The following HBP1 variants were observed in gnomAD, a reference collection of about 807,000 sequenced individuals.
HBP1 encodes HMG-box transcription factor 1, also known as HMG box-containing protein 1.
Under a neutral mutation model 62.6 loss-of-function variants are expected in HBP1, and 20 were observed. The observed-to-expected ratio is 0.32, with a 90% CI of 0.22 to 0.46. The LOEUF (loss-of-function observed/expected upper bound fraction) is 0.46, where lower values mean the gene tolerates loss of function less well. Among genes scored for constraint, HBP1 ranks in the 20% least tolerant of loss-of-function variants. HBP1 has a pLI of 1.00. For missense variants in HBP1, 480 were observed against 611.8 expected (o/e 0.78, Z 2.27); for synonymous variants, 232 against 206.2 (o/e 1.12, Z -1.07).
chr7:107,200,840 C>T (rs1033710858), intron 10 of HBP1: 1 of 152,608 alleles, frequency 6.6e-6, no homozygotes, highest in African/African-American at 2.4e-5. Flanking sequence ...GATAAGCTAT[C>T]TTGGATAGAC....
At chr7:107,200,441 G>A (rs1027561771) in intron 10 of HBP1, 140 bp downstream of exon 10, 2 of 540,474 alleles carry the variant, frequency 3.7e-6, no homozygotes, top group East Asian at 3.2e-5. Flanking sequence ...ACCTAATAAT[G>A]TTATCACATC....
intron 7 of HBP1, among the ~76,000 whole-genome samples, chr7:107,189,719 T>A (rs1436229784): frequency 6.6e-6 from 1 of 152,194 alleles, no homozygotes; most frequent in Non-Finnish European, 1.5e-5. Context: ...ATAGTTTGGG[T>A]AATGTAGTGA....
chr7:107,195,513 T>C (rs1797853993), intron 8 of HBP1, among the ~76,000 whole-genome samples: 1 of 152,218 alleles, frequency 6.6e-6, no homozygotes, highest in South Asian at 2.1e-4. Flanking sequence ...AAGTGGGTTG[T>C]GTAGGATTTG....
In HBP1 at chr7:107,190,152, TGC is replaced by T. The variant is rs1797583396; in HGVS notation, c.923-20_923-19del. ...GCTTTCTGTGAGTCCTCATCCTTTA[TGC>T]AACATTGTTTAACTTTAGGTTGGTC... On this transcript the variant is annotated intron_variant, in intron 7 of 10. Coordinates refer to ENST00000222574, the MANE Select transcript of HBP1 (RefSeq NM_012257.4). The T allele has an allele frequency of 6.3e-7, 1 of 1,591,390 alleles. No individual in the cohort carries two copies. The highest frequency in any genetic ancestry group is 8.6e-7 in the Non-Finnish European group (1 of 1,167,570).
At chr7:107,179,753 C>CA in intron 1 of HBP1, 126 bp from the exon 2 acceptor site, 2 of 543,270 alleles carry the variant, frequency 3.7e-6, no homozygotes, top group Non-Finnish European at 3.2e-6. Context: ...GTCTGGGTGA[C>CA]AGAGTGTGAC....
chr7:107,200,106 T>G, intron 9 of HBP1, 54 bp from the exon 10 acceptor site: 697 of 1,385,562 alleles, frequency 5.0e-4, no homozygotes, highest in Non-Finnish European at 5.7e-4. Context: ...GCACTTGACA[T>G]GAGATTTATG....
chr7:107,184,580 G>T (rs1212784716), intron 3 of HBP1, among the ~76,000 whole-genome samples: 2 of 151,968 alleles, frequency 1.3e-5, no homozygotes, highest in Non-Finnish European at 2.9e-5. Context: ...GTGCAATCTC[G>T]GCTCACTGCA....
chr7:107,172,130 A>G (rs995536028), intron 1 of HBP1, among the ~76,000 whole-genome samples: 1 of 152,056 alleles, frequency 6.6e-6, no homozygotes, highest in Admixed American at 6.5e-5. Context: ...CTATAGAGAA[A>G]CTAGAAACAT....
intron 2 of HBP1, among the ~76,000 whole-genome samples, chr7:107,181,650 C>T (rs117877169): frequency 6.7e-6 from 1 of 150,212 alleles, no homozygotes; most frequent in Non-Finnish European, 1.5e-5. Context: ...GTATGTGTTT[C>T]GTGGAGAGTT....
chr7:107,178,982 C>T (rs1041405314), intron 1 of HBP1, among the ~76,000 whole-genome samples: 3 of 152,056 alleles, frequency 2.0e-5, no homozygotes, highest in Non-Finnish European at 2.9e-5. Context: ...TGCAGTGAGC[C>T]GAGATTGTGC....
At chr7:107,199,825 G>A (rs1798133668) in intron 9 of HBP1, among the ~76,000 whole-genome samples, 1 of 152,204 alleles carries the variant, frequency 6.6e-6, no homozygotes, top group African/African-American at 2.4e-5. Context: ...TTTCTCTTGA[G>A]AGAGAAATAG....
intron 2 of HBP1, among the ~76,000 whole-genome samples, chr7:107,182,045 CT>C (rs1797131344): frequency 6.6e-6 from 1 of 152,026 alleles, no homozygotes; most frequent in African/African-American, 2.4e-5. Flanking sequence ...TGTTTATAGT[CT>C]GTATAACAGG....
chr7:107,176,232 G>T (rs983658066), intron 1 of HBP1, among the ~76,000 whole-genome samples: 1 of 151,584 alleles, frequency 6.6e-6, no homozygotes, highest in East Asian at 1.9e-4. Flanking sequence ...CACCATGTTG[G>T]TCAGGCTGGT....
intron 1 of HBP1, among the ~76,000 whole-genome samples, chr7:107,172,754 T>C (rs1201922322): frequency 3.9e-5 from 6 of 152,200 alleles, no homozygotes; most frequent in African/African-American, 7.2e-5. Context: ...CATTTTTTTT[T>C]ACTTATTTTT....
chr7:107,195,925 G>T lies in HBP1; in HGVS notation c.1159G>T (p.Gly387Cys). ...RRASLSCGGP[G>C]GQDFARSGFS... is the part of the protein sequence containing the mutation. ...TGCATCTTTGTCTTGTGGAGGACCT[G>T]GTGGTCAAGACTTTGCAAGATCTGG... The change falls in exon 9 of 11, where the codon GGT becomes TGT. Residue 387 changes from glycine (G) to cysteine (C), a missense_variant. Physicochemically the swap from Gly to Cys is radical, Grantham distance 159. Coordinates refer to ENST00000222574, the MANE Select transcript of HBP1 (RefSeq NM_012257.4). 3 of 1,613,370 alleles carry T rather than the reference G, an allele frequency of 1.9e-6. No homozygotes were observed. The highest frequency in any genetic ancestry group is 2.5e-6 in the Non-Finnish European group (3 of 1,179,390).
At chr7:107,170,992 A>T (rs1408614554) in intron 1 of HBP1, among the ~76,000 whole-genome samples, 1 of 144,398 alleles carries the variant, frequency 6.9e-6, no homozygotes, top group South Asian at 2.1e-4. Context: ...TATATATATA[A>T]AATATATAAC....
intron 6 of HBP1, 76 bp downstream of exon 6, chr7:107,186,757 A>T (rs1237470699): frequency 9.7e-6 from 8 of 823,156 alleles, no homozygotes; most frequent in Admixed American, 2.1e-5. Flanking sequence ...CTACAGAAAT[A>T]TCCTCCATTC....
At position 107,179,353 on chromosome 7, in the gene HBP1, T is replaced by C. The variant is rs1260219314; in HGVS notation, c.-15-526T>C. Among the ~76,000 whole-genome samples, 9 of 152,354 alleles carry C rather than the reference T, an allele frequency of 5.9e-5. No homozygotes were observed. The South Asian group carries it at 8.3e-4, about 14-fold the overall frequency. On this transcript the variant is annotated intron_variant, in intron 1 of 10. Transcript: ENST00000222574. ...AGACTTTTTTTTATAATTCAAGATA[T>C]TAATCTTTTGGGATTGAAATGTGAT...
intron 9 of HBP1, among the ~76,000 whole-genome samples, chr7:107,198,148 G>A (rs1798018128): frequency 6.6e-6 from 1 of 151,894 alleles, no homozygotes; most frequent in Admixed American, 6.6e-5. Context: ...ATCTTTAGAT[G>A]TTTTGTTTTC....
Sources: gnomAD v4.1 joint callset for allele counts (sites outside exome capture counted in the v4.1 genomes callset) on GRCh38, gnomAD v4.1.1 for gene constraint, MANE v1.5 for transcripts, NCBI Gene and HGNC (gene_info 2026-07-23, HGNC 2026-07-21) for gene names.